Variants in RAB3C observed in about 807,000 individuals in gnomAD.
RAB3C encodes ras-related protein Rab-3C.
RAB3C carries 17 observed loss-of-function variants against 26.4 expected under a neutral mutation model. The observed-to-expected ratio is 0.64, with a 90% CI of 0.44 to 0.97. The LOEUF is 0.97. RAB3C is among the 50% of genes least tolerant of loss of function. The pLI is 0.00. For synonymous variants in RAB3C, 91 were observed against 95.9 expected, an observed-to-expected ratio of 0.95 and a Z score of 0.30; for missense variants, 242 against 281.9, an observed-to-expected ratio of 0.86 and a Z score of 1.01.
chr5:58,679,328 A>G (rs1748299736), intron 2 of RAB3C, among the ~76,000 whole-genome samples: 1 of 152,174 alleles, frequency 6.6e-6, no homozygotes, highest in African/African-American at 2.4e-5. Flanking sequence ...TTTGAACTAC[A>G]TCTTCTCTAG....
intron 3 of RAB3C, chr5:58,788,156 A>G (rs1173407155): frequency 6.6e-6 from 1 of 152,256 alleles, no homozygotes; most frequent in Non-Finnish European, 1.5e-5. Context: ...TGATGTACGT[A>G]AAGCAAGCTG....
chr5:58,686,645 A>T (rs1431148472), intron 2 of RAB3C, among the ~76,000 whole-genome samples: 1 of 150,972 alleles, frequency 6.6e-6, no homozygotes, highest in Admixed American at 6.6e-5. Context: ...TTCTCTTTCT[A>T]TGTGTCTCTC....
intron 2 of RAB3C, among the ~76,000 whole-genome samples, chr5:58,697,668 C>T (rs1352927317): frequency 1.3e-5 from 2 of 152,126 alleles, no homozygotes; most frequent in Non-Finnish European, 2.9e-5. Context: ...ATCCCTTTAC[C>T]ATTATGTAAC....
intron 4 of RAB3C, among the ~76,000 whole-genome samples, chr5:58,833,899 T>C (rs1393518828): frequency 6.6e-6 from 1 of 152,228 alleles, no homozygotes; most frequent in African/African-American, 2.4e-5. Flanking sequence ...ATTTGGAGGC[T>C]CTTTAGGAAG....
At chr5:58,633,182 T>C (rs1375546391) in intron 2 of RAB3C, among the ~76,000 whole-genome samples, 1 of 152,218 alleles carries the variant, frequency 6.6e-6, no homozygotes, top group Non-Finnish European at 1.5e-5. Context: ...TTTCATTTCT[T>C]CAACTTCCCA....
intron 2 of RAB3C, among the ~76,000 whole-genome samples, chr5:58,660,523 T>C (rs1403538564): frequency 6.7e-6 from 1 of 150,356 alleles, no homozygotes; most frequent in Non-Finnish European, 1.5e-5. Context: ...CCATATTGTA[T>C]TTTTTAAGAA....
At chr5:58,703,260 G>A (rs982150813) in intron 2 of RAB3C, among the ~76,000 whole-genome samples, 2 of 151,704 alleles carry the variant, frequency 1.3e-5, no homozygotes, top group African/African-American at 2.4e-5. Context: ...TCGGCTCACC[G>A]CAAACTCTGC....
intron 3 of RAB3C, among the ~76,000 whole-genome samples, chr5:58,754,843 T>C (rs938967052): frequency 5.3e-5 from 8 of 152,060 alleles, no homozygotes; most frequent in African/African-American, 1.9e-4. Context: ...CTCCACGGCT[T>C]CAGCATCGTC....
At chr5:58,835,245 ACT>A (rs900008224) in intron 4 of RAB3C, among the ~76,000 whole-genome samples, 5 of 152,000 alleles carry the variant, frequency 3.3e-5, no homozygotes, top group Non-Finnish European at 5.9e-5. Flanking sequence ...TTTTACTGAG[ACT>A]CTGGCACATC....
rs534298828 is a variant in RAB3C, at chr5:58,639,160, A to C, written c.252+21290A>C. 4.6e-4 allele frequency among the ~76,000 whole-genome samples: 70 copies of C among 152,336 alleles called. No homozygotes were observed. In the East Asian group the frequency reaches 0.012, roughly 25 times the overall value. ...AAAGCTTTCTGTATGCTTTTCAGAT[A>C]ATAGCTGTACTGAAACACCCTTGCT... On this transcript the variant is annotated intron_variant, in intron 2 of 4. Coordinates refer to ENST00000282878, the MANE Select transcript of RAB3C (RefSeq NM_138453.4).
At position 58,656,656 on chromosome 5, in the gene RAB3C, A is replaced by G. The variant is rs568327860; in HGVS notation, c.252+38786A>G. On this transcript the variant is annotated intron_variant, in intron 2 of 4. Coordinates refer to ENST00000282878, the MANE Select transcript of RAB3C (RefSeq NM_138453.4). ...AGAAACATACTAGTAATACTCTAAA[A>G]GATAGGTTAAGTGGATAAAAATGAA... 1.2e-4 allele frequency among the ~76,000 whole-genome samples: 18 copies of G among 152,348 alleles called. No homozygotes were observed. In the South Asian group the frequency reaches 3.1e-3, roughly 26 times the overall value.
At chr5:58,758,445 T>C (rs780326199) in intron 3 of RAB3C, among the ~76,000 whole-genome samples, 21 of 152,158 alleles carry the variant, frequency 1.4e-4, no homozygotes, top group Non-Finnish European at 3.1e-4. Context: ...TATATAGACA[T>C]ATTGTTTATG....
chr5:58,704,497 A>C (rs904696667), intron 2 of RAB3C, among the ~76,000 whole-genome samples: 2 of 152,208 alleles, frequency 1.3e-5, no homozygotes, highest in African/African-American at 2.4e-5. Flanking sequence ...GGTGAAAAGT[A>C]ATCTAAATAG....
intron 3 of RAB3C, among the ~76,000 whole-genome samples, chr5:58,754,245 T>A (rs10471460): frequency 1.3e-5 from 2 of 152,102 alleles, no homozygotes; most frequent in African/African-American, 4.8e-5. Context: ...TTATACTGCC[T>A]ATGTCATTAA....
intron 1 of RAB3C, among the ~76,000 whole-genome samples, chr5:58,596,815 CATAATATATTATATATAAATTT>C (rs1746281216): frequency 1.1e-5 from 1 of 89,646 alleles, no homozygotes; most frequent in African/African-American, 4.5e-5. Context: ...ATATATAATA[CATAATATATTATATATAAATTT>C]ATAATATATA....
At chr5:58,817,820 GA>G (rs989400681) in intron 3 of RAB3C, among the ~76,000 whole-genome samples, 3 of 151,978 alleles carry the variant, frequency 2.0e-5, no homozygotes, top group African/African-American at 4.8e-5. Flanking sequence ...TAAATTAAGT[GA>G]AAAAAATAAC....
At chr5:58,627,641 T>C (rs533774200) in intron 2 of RAB3C, among the ~76,000 whole-genome samples, 3 of 152,258 alleles carry the variant, frequency 2.0e-5, no homozygotes, top group Admixed American at 2.0e-4. Context: ...GTAGTAGGCA[T>C]ATTCTTCTTT....
chr5:58,669,938 T>G (rs974795044), intron 2 of RAB3C, among the ~76,000 whole-genome samples: 2 of 152,200 alleles, frequency 1.3e-5, no homozygotes, highest in African/African-American at 4.8e-5. Context: ...AGTTTAATCT[T>G]GTTTCGCTCT....
intron 2 of RAB3C, among the ~76,000 whole-genome samples, chr5:58,640,021 A>G (rs891249805): frequency 3.3e-5 from 5 of 152,208 alleles, no homozygotes; most frequent in Admixed American, 6.5e-5. Flanking sequence ...GTACTAGGGA[A>G]GCTTACTACA....
Sources: allele counts gnomAD v4.1 joint callset (sites outside exome capture counted in the v4.1 genomes callset), GRCh38; gene constraint gnomAD v4.1.1; transcripts MANE v1.5; gene names NCBI Gene and HGNC (gene_info 2026-07-23, HGNC 2026-07-21).